MYO9A: variants seen among roughly 807,000 people sequenced by gnomAD.
MYO9A encodes myosin IXA.
MYO9A carries 103 observed loss-of-function variants against 293.3 expected under a neutral mutation model. The observed-to-expected ratio is 0.35, with a 90% CI of 0.30 to 0.41. The LOEUF (loss-of-function observed/expected upper bound fraction) is 0.41. MYO9A is among the 10% of genes least tolerant of loss of function. The pLI is 1.00. For missense variants in MYO9A, 2,685 were observed against 3,033.0 expected, an observed-to-expected ratio of 0.89 and a Z score of 2.69; for synonymous variants, 1,001 against 1,035.7, an observed-to-expected ratio of 0.97 and a Z score of 0.64.
At chr15:72,077,153 G>A (rs2079379530) in intron 1 of MYO9A, among the ~76,000 whole-genome samples, 1 of 152,090 alleles carries the variant, frequency 6.6e-6, no homozygotes, top group Admixed American at 6.6e-5. Flanking sequence ...GGAAAATCTT[G>A]GTAAACTTAG....
intron 18 of MYO9A, among the ~76,000 whole-genome samples, chr15:71,923,244 C>T (rs1010200241): frequency 1.2e-4 from 19 of 152,132 alleles, no homozygotes; most frequent in African/African-American, 4.6e-4. Flanking sequence ...ATGATGTTAT[C>T]TTTTTAATGT....
chr15:72,007,536 C>G (rs1407311615), intron 8 of MYO9A, among the ~76,000 whole-genome samples: 1 of 152,012 alleles, frequency 6.6e-6, no homozygotes, highest in Non-Finnish European at 1.5e-5. Context: ...ATATTACAGT[C>G]CAGTGTGGAA....
chr15:71,928,486 T>C (rs1007420400), intron 18 of MYO9A, among the ~76,000 whole-genome samples: 3 of 151,910 alleles, frequency 2.0e-5, no homozygotes, highest in Admixed American at 6.6e-5. Flanking sequence ...AAAATGAAAA[T>C]GGAATGTTAT....
intron 9 of MYO9A, among the ~76,000 whole-genome samples, chr15:71,995,979 ATC>A (rs2076687539): frequency 6.6e-6 from 1 of 152,194 alleles, no homozygotes; most frequent in African/African-American, 2.4e-5. Flanking sequence ...CAAATTCTCT[ATC>A]TTCAACACTA....
chr15:72,115,124 T>C (rs533591372), intron 1 of MYO9A, among the ~76,000 whole-genome samples: 1 of 152,384 alleles, frequency 6.6e-6, no homozygotes, highest in African/African-American at 2.4e-5. Flanking sequence ...ATCTCACTGT[T>C]AATGCTTAAA....
At chr15:72,104,959 A>G (rs1429182787) in intron 1 of MYO9A, among the ~76,000 whole-genome samples, 1 of 152,248 alleles carries the variant, frequency 6.6e-6, no homozygotes, top group Non-Finnish European at 1.5e-5. Context: ...CATTCAAGAC[A>G]TGGGCTTTTT....
At chr15:71,920,060 A>G (rs1201387507) in intron 18 of MYO9A, among the ~76,000 whole-genome samples, 3 of 152,132 alleles carry the variant, frequency 2.0e-5, no homozygotes, top group Admixed American at 1.3e-4. Context: ...TCAATCATGC[A>G]TAAGGTTTAT....
At chr15:71,827,544 AAACTC>A (rs2054556334) in intron 41 of MYO9A, among the ~76,000 whole-genome samples, 1 of 152,170 alleles carries the variant, frequency 6.6e-6, no homozygotes, top group African/African-American at 2.4e-5. Flanking sequence ...AAAAAACAAA[AAACTC>A]AATCACGTTG....
intron 18 of MYO9A, among the ~76,000 whole-genome samples, chr15:71,932,681 C>G (rs2058510986): frequency 1.3e-5 from 2 of 151,916 alleles, no homozygotes; most frequent in African/African-American, 4.8e-5. Context: ...ATCCAGGGGG[C>G]TGTAGTCCCT....
At chr15:72,106,074 T>G (rs1413117004) in intron 1 of MYO9A, among the ~76,000 whole-genome samples, 1 of 152,126 alleles carries the variant, frequency 6.6e-6, no homozygotes, top group African/African-American at 2.4e-5. Context: ...GAAAAGAGAA[T>G]ACATATATTT....
At chr15:72,031,866 G>A (rs2077882360) in intron 3 of MYO9A, among the ~76,000 whole-genome samples, 1 of 152,040 alleles carries the variant, frequency 6.6e-6, no homozygotes, top group South Asian at 2.1e-4. Flanking sequence ...ATAGGAAAAT[G>A]TAGATTAGAA....
chr15:72,012,403 C>T (rs532858718), intron 6 of MYO9A, among the ~76,000 whole-genome samples: 1 of 152,072 alleles, frequency 6.6e-6, no homozygotes, highest in African/African-American at 2.4e-5. Flanking sequence ...CAAGCAATTC[C>T]CCTGCCTCAG....
chr15:72,043,416 GC>G (rs1314112523), intron 2 of MYO9A, among the ~76,000 whole-genome samples: 1 of 152,032 alleles, frequency 6.6e-6, no homozygotes, highest in African/African-American at 2.4e-5. Flanking sequence ...GAATGTAATA[GC>G]CAAAAATTAA....
intron 26 of MYO9A, chr15:71,890,775 G>C (rs2057152426): frequency 6.6e-6 from 1 of 151,996 alleles, no homozygotes; most frequent in African/African-American, 2.4e-5. Context: ...TATCCCATTA[G>C]ATTGGGTTAC....
chr15:71,916,730 G>T (rs1272579892), intron 18 of MYO9A, among the ~76,000 whole-genome samples: 1 of 152,138 alleles, frequency 6.6e-6, no homozygotes, highest in Non-Finnish European at 1.5e-5. Flanking sequence ...TTCTGGATAT[G>T]GTTTAAGTTT....
At position 71,824,343 on chromosome 15, in the gene MYO9A, A is replaced by AT. The variant is rs1210519537; in HGVS notation, c.*2236_*2237insA. On this transcript the variant is annotated 3_prime_UTR_variant, in exon 42 of 42. Transcript: ENST00000356056. The stretch of plus-strand genomic sequence containing the variant: ...CTGCCAAAAAACTTATTTTGCCAAA[A>AT]AAGCCCCACAAAGATTTAGAAGGAA... 1 of 152,208 alleles carries AT rather than the reference A, an allele frequency of 6.6e-6. No individual in the cohort carries two copies. Among genetic ancestry groups the AT allele is most frequent in the Non-Finnish European group, 1.5e-5 (1 of 68,044 alleles). The allele number at this position is 152,208 out of a possible 1,614,324, so 9.4% of individuals were successfully genotyped here. A position where few individuals can be genotyped will look rare whatever the true frequency, so the allele number is the denominator to read the frequency against.
At chr15:71,882,304 T>C (rs1176518625) in intron 28 of MYO9A, among the ~76,000 whole-genome samples, 1 of 152,218 alleles carries the variant, frequency 6.6e-6, no homozygotes, top group African/African-American at 2.4e-5. Context: ...ACGTAGTAGC[T>C]AAAAACTCTC....
chr15:71,983,338 T>A (rs1417995307), intron 11 of MYO9A, among the ~76,000 whole-genome samples: 1 of 152,008 alleles, frequency 6.6e-6, no homozygotes, highest in African/African-American at 2.4e-5. Flanking sequence ...AGAAATAATA[T>A]CTCTGTAACT....
intron 1 of MYO9A, among the ~76,000 whole-genome samples, chr15:72,047,773 C>CTTT (rs1566982437): frequency 7.9e-5 from 2 of 25,366 alleles, no homozygotes; most frequent in Admixed American, 1.2e-3. Flanking sequence ...TCAGTTACTT[C>CTTT]CTTTTTTTTT....
Sources: gnomAD v4.1 joint callset for allele counts (sites outside exome capture counted in the v4.1 genomes callset) on GRCh38, gnomAD v4.1.1 for gene constraint, MANE v1.5 for transcripts, NCBI Gene and HGNC (gene_info 2026-07-23, HGNC 2026-07-21) for gene names.